The following ZNF385B variants were observed in gnomAD, a reference collection of about 807,000 sequenced individuals.
ZNF385B encodes the protein zinc finger protein 533.
Under a neutral mutation model 39.2 loss-of-function variants are expected in ZNF385B, and 23 were observed. The observed-to-expected ratio is 0.59, with a 90% CI of 0.42 to 0.83. The LOEUF (loss-of-function observed/expected upper bound fraction) is 0.83, where lower values mean the gene tolerates loss of function less well. ZNF385B is among the 40% of genes least tolerant of loss of function. ZNF385B has a pLI of 0.00. For synonymous variants in ZNF385B, 205 were observed against 222.6 expected, an observed-to-expected ratio of 0.92 and a Z score of 0.70; for missense variants, 552 against 598.9, an observed-to-expected ratio of 0.92 and a Z score of 0.82.
At chr2:179,684,345 T>A (rs1385127102) in intron 3 of ZNF385B, among the ~76,000 whole-genome samples, 1 of 152,172 alleles carries the variant, frequency 6.6e-6, no homozygotes, top group Non-Finnish European at 1.5e-5. Context: ...AACAATTACA[T>A]CTTCATTCTC....
intron 1 of ZNF385B, chr2:179,796,309 G>T (rs184924653): frequency 1.3e-5 from 2 of 152,130 alleles, no homozygotes; most frequent in African/African-American, 4.8e-5. Context: ...AGATGAGGGA[G>T]CTATCCCCCT....
At chr2:179,753,706 T>G (rs1156988812) in intron 3 of ZNF385B, among the ~76,000 whole-genome samples, 1 of 152,190 alleles carries the variant, frequency 6.6e-6, no homozygotes, top group East Asian at 1.9e-4. Flanking sequence ...CAATTGTAAA[T>G]GGGAGTTCAC....
chr2:179,541,478 C>A (rs1383799232), intron 4 of ZNF385B, among the ~76,000 whole-genome samples: 2 of 152,022 alleles, frequency 1.3e-5, no homozygotes, highest in Non-Finnish European at 2.9e-5. Context: ...AAACATCAAA[C>A]CTCCAAAACT....
At chr2:179,685,216 T>C (rs1189827483) in intron 3 of ZNF385B, among the ~76,000 whole-genome samples, 1 of 152,224 alleles carries the variant, frequency 6.6e-6, no homozygotes, top group Non-Finnish European at 1.5e-5. Context: ...ACTTTTTTTC[T>C]TTCGGTAAAA....
chr2:179,750,808 G>A (rs1050507625), intron 3 of ZNF385B, among the ~76,000 whole-genome samples: 1 of 151,950 alleles, frequency 6.6e-6, no homozygotes, highest in African/African-American at 2.4e-5. Context: ...TGCACTTACT[G>A]GTAGAAACGC....
chr2:179,798,384 ATTGT>A (rs1705814049), intron 1 of ZNF385B, among the ~76,000 whole-genome samples: 1 of 152,106 alleles, frequency 6.6e-6, no homozygotes, highest in East Asian at 1.9e-4. Flanking sequence ...TTATACAGTC[ATTGT>A]TTGTAGGCCA....
chr2:179,536,674 T>C (rs2059586019), intron 4 of ZNF385B, among the ~76,000 whole-genome samples: 1 of 152,208 alleles, frequency 6.6e-6, no homozygotes, highest in Non-Finnish European at 1.5e-5. Context: ...GGAAGCAATT[T>C]CTATTAGACA....
chr2:179,718,750 C>T (rs905640957), intron 3 of ZNF385B, among the ~76,000 whole-genome samples: 7 of 150,104 alleles, frequency 4.7e-5, no homozygotes, highest in African/African-American at 1.7e-4. Context: ...TGCCTGTAAT[C>T]ACAGCACTTT....
intron 3 of ZNF385B, among the ~76,000 whole-genome samples, chr2:179,600,515 C>T (rs1043787857): frequency 6.6e-6 from 1 of 152,088 alleles, no homozygotes; most frequent in African/African-American, 2.4e-5. Context: ...GGTAGCTACT[C>T]CAAATGAGAA....
At chr2:179,694,990 A>G (rs538645259) in intron 3 of ZNF385B, among the ~76,000 whole-genome samples, 23 of 147,606 alleles carry the variant, frequency 1.6e-4, no homozygotes, top group African/African-American at 3.9e-4. Flanking sequence ...GGAGGAGGAG[A>G]AGAAAAAGAA....
At chr2:179,562,302 T>C in intron 3 of ZNF385B, 1 of 848,666 alleles carries the variant, frequency 1.2e-6, no homozygotes, top group Non-Finnish European at 1.4e-6. Context: ...TACTTTTCTC[T>C]TTTTCTGAAA....
At chr2:179,487,926 T>C (rs1231930769) in intron 5 of ZNF385B, among the ~76,000 whole-genome samples, 1 of 152,228 alleles carries the variant, frequency 6.6e-6, no homozygotes, top group Non-Finnish European at 1.5e-5. Context: ...AGAACAGCTT[T>C]GATAGGAAAT....
chr2:179,690,986 T>G (rs1459982960), intron 3 of ZNF385B, among the ~76,000 whole-genome samples: 1 of 152,210 alleles, frequency 6.6e-6, no homozygotes, highest in Non-Finnish European at 1.5e-5. Context: ...TCTGATCTAC[T>G]CCATCTGCAC....
chr2:179,713,961 A>C (rs902094491), intron 3 of ZNF385B, among the ~76,000 whole-genome samples: 5 of 152,202 alleles, frequency 3.3e-5, no homozygotes, highest in African/African-American at 1.2e-4. Flanking sequence ...AGATATCATA[A>C]AATAATATTC....
chr2:179,845,159 T>C (rs1285926663), intron 1 of ZNF385B, among the ~76,000 whole-genome samples: 1 of 152,214 alleles, frequency 6.6e-6, no homozygotes, highest in Non-Finnish European at 1.5e-5. Flanking sequence ...AAGTCCATCA[T>C]AGAATATTTT....
chr2:179,761,761 C>CTTTTTTTTTTT (rs34325728), intron 3 of ZNF385B, among the ~76,000 whole-genome samples: 17 of 110,276 alleles, frequency 1.5e-4, no homozygotes, highest in South Asian at 2.9e-4. Flanking sequence ...TTTTTCTTTT[C>CTTTTTTTTTTT]TTTTTTTTTT....
chr2:179,682,344 C>T (rs950244398), intron 3 of ZNF385B, among the ~76,000 whole-genome samples: 1 of 152,228 alleles, frequency 6.6e-6, no homozygotes, highest in African/African-American at 2.4e-5. Context: ...GCTGGGTCTA[C>T]ATGTCCTCCT....
intron 3 of ZNF385B, among the ~76,000 whole-genome samples, chr2:179,688,490 A>AAAC (rs75401653): frequency 0.098 from 14,670 of 149,490 alleles, 1,304 homozygotes; most frequent in East Asian, 0.47. Flanking sequence ...TCCCCCTGCA[A>AAAC]AACAACAACA....
rs10653511 is a variant in ZNF385B, at chr2:179,652,846, C to CAAAA, written c.299-107881_299-107878dup. On this transcript the variant is annotated intron_variant, in intron 3 of 9. Transcript: ENST00000410066. ...AATTGTTTAGAATTGAGCAAAGCAC[C>CAAAA]AAAAAAAAAAAAAAATCATCAGAAG... 3.2e-3 allele frequency among the ~76,000 whole-genome samples: 444 copies of CAAAA among 140,496 alleles called. 5 individuals are homozygous for CAAAA. The highest frequency in any genetic ancestry group is 0.012 in the East Asian group (55 of 4,776). 92.2% of individuals were successfully genotyped at this position (140,496 alleles called of 152,430 possible).
Sources: allele counts gnomAD v4.1 joint callset (sites outside exome capture counted in the v4.1 genomes callset), GRCh38; gene constraint gnomAD v4.1.1; transcripts MANE v1.5; gene names NCBI Gene and HGNC (gene_info 2026-07-23, HGNC 2026-07-21).